Variants in RARB observed in about 807,000 individuals in gnomAD.
RARB encodes retinoic acid receptor beta.
Under a neutral mutation model 51.9 loss-of-function variants are expected in RARB, and 17 were observed. That is an observed-to-expected ratio of 0.33 (90% CI 0.22 to 0.49). The LOEUF (loss-of-function observed/expected upper bound fraction) is 0.49, where lower values mean the gene tolerates loss of function less well. RARB is among the 20% of genes least tolerant of loss of function. The pLI is 0.99. For missense variants in RARB, 369 were observed against 550.8 expected, an observed-to-expected ratio of 0.67 and a Z score of 3.30; for synonymous variants, 215 against 195.4, an observed-to-expected ratio of 1.10 and a Z score of -0.84.
chr3:25,483,297 A>C (rs953994434), intron 2 of RARB, among the ~76,000 whole-genome samples: 4 of 152,214 alleles, frequency 2.6e-5, no homozygotes, highest in African/African-American at 9.6e-5. Context: ...TAGTTGAAAA[A>C]ATATGTGTAC....
intron 5 of RARB, among the ~76,000 whole-genome samples, chr3:25,249,647 G>A (rs939733512): frequency 1.4e-5 from 2 of 142,672 alleles, no homozygotes; most frequent in Non-Finnish European, 3.0e-5. Context: ...CTTCAGCTTT[G>A]ATTCTGGGTA....
chr3:25,552,074 A>T (rs1017813428), intron 3 of RARB, among the ~76,000 whole-genome samples: 1 of 152,148 alleles, frequency 6.6e-6, no homozygotes, highest in African/African-American at 2.4e-5. Flanking sequence ...GGTTATGAAC[A>T]AGAGCCCTGG....
At chr3:24,862,443 AT>A (rs1327573924) in intron 2 of RARB, among the ~76,000 whole-genome samples, 2 of 152,180 alleles carry the variant, frequency 1.3e-5, no homozygotes, top group Non-Finnish European at 2.9e-5. Context: ...CTGGTTACCC[AT>A]AGTTAACAGG....
At chr3:25,513,971 A>G (rs1698034482) in intron 3 of RARB, among the ~76,000 whole-genome samples, 1 of 152,244 alleles carries the variant, frequency 6.6e-6, no homozygotes. Flanking sequence ...GCCCAAAGAC[A>G]ATCCCCAGCA....
At chr3:24,841,278 G>A (rs1040663174) in intron 1 of RARB, among the ~76,000 whole-genome samples, 38 of 152,174 alleles carry the variant, frequency 2.5e-4, no homozygotes, top group Non-Finnish European at 5.1e-4. Context: ...TAGGAGAAAG[G>A]AGTTTACCTG....
At chr3:25,410,330 TCTTA>T (rs960777275) in intron 5 of RARB, among the ~76,000 whole-genome samples, 2 of 152,218 alleles carry the variant, frequency 1.3e-5, no homozygotes, top group Admixed American at 6.5e-5. Flanking sequence ...AATCTGTCTC[TCTTA>T]CTTTCTTTTA....
At chr3:25,028,733 C>T (rs961539590) in intron 2 of RARB, among the ~76,000 whole-genome samples, 1 of 152,142 alleles carries the variant, frequency 6.6e-6, no homozygotes, top group Non-Finnish European at 1.5e-5. Context: ...CCCACCTCTT[C>T]CTGTGCTTAA....
At chr3:25,358,320 A>G (rs1023100293) in intron 5 of RARB, among the ~76,000 whole-genome samples, 3 of 152,168 alleles carry the variant, frequency 2.0e-5, no homozygotes, top group Admixed American at 1.3e-4. Context: ...TGATTTTTGC[A>G]CATTGAATTT....
intron 5 of RARB, among the ~76,000 whole-genome samples, chr3:25,228,494 C>T (rs1035400645): frequency 6.6e-6 from 1 of 151,850 alleles, no homozygotes; most frequent in Non-Finnish European, 1.5e-5. Context: ...TATCTCTTCT[C>T]TTCTATTATC....
At chr3:24,839,535 GAAA>G (rs56392246) in intron 1 of RARB, among the ~76,000 whole-genome samples, 1 of 137,742 alleles carries the variant, frequency 7.3e-6, no homozygotes. Context: ...CCCTGTCTCT[GAAA>G]AAAAAAAAAA....
At chr3:25,179,759 C>T (rs1306956295) in intron 5 of RARB, among the ~76,000 whole-genome samples, 1 of 152,130 alleles carries the variant, frequency 6.6e-6, no homozygotes, top group African/African-American at 2.4e-5. Context: ...TTCCTTAAAG[C>T]TGAACAGGTA....
At chr3:25,256,889 G>T (rs1386679874) in intron 5 of RARB, among the ~76,000 whole-genome samples, 1 of 152,062 alleles carries the variant, frequency 6.6e-6, no homozygotes, top group Non-Finnish European at 1.5e-5. Context: ...ATAGTTTATG[G>T]AGTTCTGTCT....
At chr3:24,962,626 G>A (rs531769496) in intron 2 of RARB, among the ~76,000 whole-genome samples, 3 of 152,234 alleles carry the variant, frequency 2.0e-5, no homozygotes, top group Admixed American at 6.5e-5. Flanking sequence ...GGTGGCATTC[G>A]ATTCTCATAG....
At chr3:25,050,900 C>T (rs1698319802) in intron 2 of RARB, among the ~76,000 whole-genome samples, 1 of 152,156 alleles carries the variant, frequency 6.6e-6, no homozygotes. Flanking sequence ...CCATCCACTC[C>T]TCTTCAACTC....
At chr3:24,969,788 G>A (rs909646914) in intron 2 of RARB, among the ~76,000 whole-genome samples, 5 of 152,098 alleles carry the variant, frequency 3.3e-5, no homozygotes, top group African/African-American at 1.2e-4. Context: ...ATGTGGAGAA[G>A]ATGTTTCCTC....
intron 4 of RARB, among the ~76,000 whole-genome samples, chr3:25,148,892 C>T (rs1700237367): frequency 6.6e-6 from 1 of 151,948 alleles, no homozygotes; most frequent in South Asian, 2.1e-4. Flanking sequence ...GCTTCTTCCC[C>T]TATCTTTTTT....
intron 3 of RARB, among the ~76,000 whole-genome samples, chr3:25,120,889 G>C (rs1340914793): frequency 6.6e-6 from 1 of 151,956 alleles, no homozygotes; most frequent in Non-Finnish European, 1.5e-5. Context: ...TATTGTCTAT[G>C]GCCACTTTCC....
intron 5 of RARB, among the ~76,000 whole-genome samples, chr3:25,269,173 T>C (rs9857640): frequency 0.035 from 5,279 of 152,314 alleles, 264 homozygotes; most frequent in African/African-American, 0.11. Flanking sequence ...AACTTTGGGC[T>C]GTTAAATAAT....
intron 2 of RARB, among the ~76,000 whole-genome samples, chr3:24,970,496 T>C (rs1263470717): frequency 1.3e-5 from 2 of 151,886 alleles, no homozygotes; most frequent in Middle Eastern, 3.2e-3. Context: ...TGCAGTTAAC[T>C]GGACTTTTAA....
Sources: allele counts gnomAD v4.1 joint callset (sites outside exome capture counted in the v4.1 genomes callset), GRCh38; gene constraint gnomAD v4.1.1; transcripts MANE v1.5; gene names NCBI Gene and HGNC (gene_info 2026-07-23, HGNC 2026-07-21).